SPOPL: variants seen among roughly 807,000 people sequenced by gnomAD.
SPOPL encodes speckle type BTB/POZ protein like.
Under a neutral mutation model 53.8 loss-of-function variants are expected in SPOPL, and 23 were observed. The observed-to-expected ratio is 0.43, with a 90% CI of 0.31 to 0.61. SPOPL has a LOEUF of 0.61. Among genes scored for constraint, SPOPL ranks in the 20% least tolerant of loss-of-function variants. SPOPL has a pLI of 0.12. For synonymous variants in SPOPL, 164 were observed against 149.7 expected, an observed-to-expected ratio of 1.10 and a Z score of -0.70; for missense variants, 442 against 466.9, an observed-to-expected ratio of 0.95 and a Z score of 0.49.
intron 1 of SPOPL, among the ~76,000 whole-genome samples, chr2:138,505,900 A>G (rs977556527): frequency 2.6e-5 from 4 of 152,214 alleles, no homozygotes; most frequent in South Asian, 2.1e-4. Flanking sequence ...AACCTAAAGG[A>G]TGAACTGTAG....
chr2:138,560,114 CA>C (rs1217290284), intron 7 of SPOPL, among the ~76,000 whole-genome samples: 2 of 152,000 alleles, frequency 1.3e-5, no homozygotes, highest in Non-Finnish European at 2.9e-5. Flanking sequence ...TTGATCTCAG[CA>C]AAGAAACTAA....
Position 138,564,855 on chromosome 2 carries a change from G to A in SPOPL, c.980+5G>A. ...AGCCATAGACTTTATTAATAGGTAA[G>A]CTATGCTTGTATTTCAGTGGGCATG... On this transcript the variant is annotated splice_donor_5th_base_variant and intron_variant, in intron 9 of 10. Coordinates refer to ENST00000280098, the MANE Select transcript of SPOPL (RefSeq NM_001001664.3). The A allele has an allele frequency of 6.2e-7, 1 of 1,614,070 alleles. No individual in the cohort carries two copies. Among genetic ancestry groups the A allele is most frequent in the Non-Finnish European group, 8.5e-7 (1 of 1,179,942 alleles).
At chr2:138,542,248 G>A (rs908949743) in intron 1 of SPOPL, among the ~76,000 whole-genome samples, 1 of 152,128 alleles carries the variant, frequency 6.6e-6, no homozygotes, top group Non-Finnish European at 1.5e-5. Flanking sequence ...ATGTCTATTA[G>A]GTCTGCTTGG....
At chr2:138,524,441 A>G (rs1329363366) in intron 1 of SPOPL, among the ~76,000 whole-genome samples, 2 of 152,236 alleles carry the variant, frequency 1.3e-5, no homozygotes, top group Admixed American at 6.5e-5. Context: ...TTGACTCCTC[A>G]TTACTTATGC....
intron 1 of SPOPL, among the ~76,000 whole-genome samples, chr2:138,541,630 T>G (rs976101687): frequency 3.3e-5 from 5 of 152,184 alleles, no homozygotes; most frequent in African/African-American, 1.2e-4. Flanking sequence ...TTCTTCTCTC[T>G]TCTTTATTAG....
chr2:138,533,136 A>G (rs1684848297), intron 1 of SPOPL, among the ~76,000 whole-genome samples: 1 of 152,168 alleles, frequency 6.6e-6, no homozygotes, highest in South Asian at 2.1e-4. Flanking sequence ...CCACTCAGCA[A>G]CCATAGGGCA....
Position 138,571,903 on chromosome 2 carries a change from G to A in SPOPL, c.*2823G>A, listed in dbSNP as rs1338871396. ...GATATTTGGAGCACAAATAATGAAG[G>A]TGCCATAATATGGCTTGCCAATGTT... On this transcript the variant is annotated 3_prime_UTR_variant, in exon 11 of 11. Coordinates refer to ENST00000280098, the MANE Select transcript of SPOPL (RefSeq NM_001001664.3). 2.6e-5 allele frequency: 4 copies of A among 152,508 alleles called. No homozygotes were observed. The highest frequency in any genetic ancestry group is 5.9e-5 in the Non-Finnish European group (4 of 67,990). The allele number at this position is 152,508 out of a possible 1,614,324, so 9.4% of individuals were successfully genotyped here.
intron 1 of SPOPL, among the ~76,000 whole-genome samples, chr2:138,511,728 C>T (rs560417508): frequency 1.3e-5 from 2 of 152,246 alleles, no homozygotes; most frequent in South Asian, 2.1e-4. Context: ...GGAATTAGTG[C>T]TACCTTGTTT....
At chr2:138,503,353 G>T (rs982782295) in intron 1 of SPOPL, among the ~76,000 whole-genome samples, 1 of 152,154 alleles carries the variant, frequency 6.6e-6, no homozygotes, top group African/African-American at 2.4e-5. Flanking sequence ...ACAGGATGGT[G>T]CTAGTAATTG....
intron 1 of SPOPL, among the ~76,000 whole-genome samples, chr2:138,536,416 T>A (rs1477033349): frequency 6.6e-6 from 1 of 152,024 alleles, no homozygotes; most frequent in African/African-American, 2.4e-5. Context: ...CCTTGGGTAT[T>A]CCCAGTTACC....
intron 1 of SPOPL, among the ~76,000 whole-genome samples, chr2:138,525,720 C>T (rs903668232): frequency 2.0e-5 from 3 of 151,364 alleles, no homozygotes. Context: ...TGGCTGTATT[C>T]CCGGCTACTC....
chr2:138,544,576 A>G (rs972439836), intron 1 of SPOPL, among the ~76,000 whole-genome samples: 4 of 152,164 alleles, frequency 2.6e-5, no homozygotes, highest in Non-Finnish European at 5.9e-5. Context: ...TGCTAAGACC[A>G]TTGGAAAAGC....
Position 138,550,560 on chromosome 2 carries a change from A to G in SPOPL, c.156A>G (p.Leu52=), listed in dbSNP as rs763527617. 4 of 1,611,150 alleles carry G rather than the reference A, an allele frequency of 2.5e-6. No homozygotes were observed. Among genetic ancestry groups the G allele is most frequent in the Non-Finnish European group, 3.4e-6 (4 of 1,177,802 alleles). ...SFCREEMGEV[L]KSSTFSSGPS... ...GTCGAGAGGAAATGGGTGAAGTGTT[A>G]AAAAGTTCAACATTTTCATCTGGCC... Residue 52 remains leucine (L), a synonymous_variant, in exon 3 of 11, where the codon TTA becomes TTG. Coordinates refer to ENST00000280098, the MANE Select transcript of SPOPL (RefSeq NM_001001664.3).
At chr2:138,513,739 CAAAA>C (rs33913820) in intron 1 of SPOPL, among the ~76,000 whole-genome samples, 5 of 112,638 alleles carry the variant, frequency 4.4e-5, no homozygotes, top group African/African-American at 9.1e-5. Context: ...GACCTTACCT[CAAAA>C]AAAAAAAAAA....
Position 138,569,220 on chromosome 2 carries a change from A to G in SPOPL, c.*140A>G. On this transcript the variant is annotated 3_prime_UTR_variant, in exon 11 of 11. Transcript: ENST00000280098. ...GAAGCTGAAAAAGCATATTGCTTGCATTTCAGGTGGATAATTTATGGTTTA... is the reference window on the plus strand; with the variant it reads ...GAAGCTGAAAAAGCATATTGCTTGCGTTTCAGGTGGATAATTTATGGTTTA... 5.6e-6 allele frequency: 5 copies of G among 897,734 alleles called. No individual in the cohort carries two copies. The highest frequency in any genetic ancestry group is 1.8e-5 in the South Asian group (1 of 54,512). 55.6% of individuals were successfully genotyped at this position (897,734 alleles called of 1,614,324 possible). A position where few individuals can be genotyped will look rare whatever the true frequency, so the allele number is the denominator to read the frequency against.
Position 138,564,767 on chromosome 2 carries a change from A to G in SPOPL, c.897A>G (p.Val299=). ...CEEALCSNLS[V]ENVADTLVLA... ...AAGCTTTGTGTAGTAACCTCTCAGT[A>G]GAGAATGTTGCAGATACCCTTGTCC... is the stretch of plus-strand genomic sequence containing the variant. Residue 299 remains valine, a synonymous_variant, in exon 9 of 11, where the codon GTA becomes GTG. Coordinates refer to ENST00000280098, the MANE Select transcript of SPOPL (RefSeq NM_001001664.3). The G allele has an allele frequency of 6.2e-7, 1 of 1,614,186 alleles. No homozygotes were observed. The highest frequency in any genetic ancestry group is 8.5e-7 in the Non-Finnish European group (1 of 1,180,014).
chr2:138,513,505 G>A (rs1339147480), intron 1 of SPOPL, among the ~76,000 whole-genome samples: 1 of 152,078 alleles, frequency 6.6e-6, no homozygotes, highest in Non-Finnish European at 1.5e-5. Context: ...AGCCAAGATT[G>A]CACCACTGCA....
In SPOPL at chr2:138,559,304, C is replaced by A. The variant is rs766347064; in HGVS notation, c.681C>A (p.Ala227=). 1.2e-6 allele frequency: 2 copies of A among 1,612,472 alleles called. No homozygotes were observed. Among genetic ancestry groups the A allele is most frequent in the South Asian group, 2.2e-5 (2 of 90,592 alleles). Residue 227 remains alanine, a synonymous_variant, in exon 7 of 11, where the codon GCC becomes GCA. Coordinates refer to ENST00000280098, the MANE Select transcript of SPOPL (RefSeq NM_001001664.3). ...CAGCTCGATCTCCAGTTTTTAACGCCATGTTTGAACATGAAATGGAAGAAA... is the reference window on the plus strand; with the variant it reads ...CAGCTCGATCTCCAGTTTTTAACGCAATGTTTGAACATGAAATGGAAGAAA... The part of the protein sequence containing the change: ...VLAARSPVFN[A]MFEHEMEESK...
In SPOPL at chr2:138,550,176, G is replaced by T; in HGVS notation, c.-41G>T. 6.4e-7 allele frequency: 1 copy of T among 1,568,852 alleles called. No homozygotes were observed. On this transcript the variant is annotated 5_prime_UTR_variant, in exon 2 of 11. Transcript: ENST00000280098. Reference sequence around the variant, plus strand: ...TTGTAGGTAAGGTACTCAACTGTGTGGGGTACTACATAAATCCTGAAAGAC... The same window carrying T: ...TTGTAGGTAAGGTACTCAACTGTGTTGGGTACTACATAAATCCTGAAAGAC...
Sources: allele counts gnomAD v4.1 joint callset (sites outside exome capture counted in the v4.1 genomes callset), GRCh38; gene constraint gnomAD v4.1.1; transcripts MANE v1.5; gene names NCBI Gene and HGNC (gene_info 2026-07-23, HGNC 2026-07-21).